The following ZNF780B variants were observed in gnomAD, a reference collection of about 807,000 sequenced individuals.
ZNF780B encodes the protein zinc finger protein 780B, also known as zinc finger protein 779.
ZNF780B carries 52 observed loss-of-function variants against 74.1 expected under a neutral mutation model. That is an observed-to-expected ratio of 0.70 (90% CI 0.56 to 0.88). ZNF780B has a LOEUF of 0.88. Among genes scored for constraint, ZNF780B ranks in the 40% least tolerant of loss-of-function variants. The probability of loss-of-function intolerance (pLI) is 0.00; values close to 1 mark genes in which losing one functional copy is unlikely to be tolerated. For missense variants in ZNF780B, 953 were observed against 1,007.6 expected (o/e 0.95, Z 0.73); for synonymous variants, 315 against 324.3 (o/e 0.97, Z 0.31).
At chr19:40,043,952 C>T (rs565669416) in intron 4 of ZNF780B, among the ~76,000 whole-genome samples, 5 of 152,306 alleles carry the variant, frequency 3.3e-5, no homozygotes, top group Admixed American at 2.6e-4. Flanking sequence ...GAGATGAACC[C>T]GGTACCTCAG....
chr19:40,046,652 A>G (rs951442616), intron 4 of ZNF780B, among the ~76,000 whole-genome samples: 2 of 151,964 alleles, frequency 1.3e-5, no homozygotes, highest in Non-Finnish European at 2.9e-5. Flanking sequence ...CATCACTCCT[A>G]TTTCCTTGTC....
At chr19:40,047,602 T>C (rs1405882970) in intron 3 of ZNF780B, 132 bp from the exon 4 acceptor site, 7 of 533,090 alleles carry the variant, frequency 1.3e-5, no homozygotes, top group Non-Finnish European at 2.2e-5. Flanking sequence ...TAAGAGAGGA[T>C]TGAGTAAGGG....
chr19:40,036,822 G>A (rs2144726584), intron 4 of ZNF780B, among the ~76,000 whole-genome samples, 196 bp from the exon 5 acceptor site: 1 of 152,146 alleles, frequency 6.6e-6, no homozygotes, highest in Admixed American at 6.5e-5. Flanking sequence ...GTCAAATTTA[G>A]GTGTGAATCA....
chr19:40,048,724 T>C lies in ZNF780B; in HGVS notation c.82A>G (p.Arg28Gly), dbSNP rs373289021. Residue 28 changes from arginine (R) to glycine (G), a missense_variant, in exon 3 of 5, where the codon AGG becomes GGG. Physicochemically the swap from Arg to Gly is moderately radical, Grantham distance 125. Coordinates refer to ENST00000434248, the MANE Select transcript of ZNF780B (RefSeq NM_001005851.3). ...AACATCACATCCCTGTACAAGGTCC[T>C]CTGATCAGGCTGCAGGCACTCCCAC... ...EEWECLQPDQ[R>G]TLYRDVMLEN... The C allele has an allele frequency of 2.4e-5, 38 of 1,614,070 alleles. No homozygotes were observed. The African/African-American group carries it at 4.7e-4, about 20-fold the overall frequency.
At chr19:40,036,901 T>G (rs534489841) in intron 4 of ZNF780B, among the ~76,000 whole-genome samples, 1 of 148,226 alleles carries the variant, frequency 6.7e-6, no homozygotes, top group South Asian at 2.1e-4. Context: ...GAATTTTTAG[T>G]GAAGAAAGCT....
At position 40,047,411 on chromosome 19, in the gene ZNF780B, T is replaced by G; in HGVS notation, c.196A>C (p.Ile66Leu). 6.2e-7 allele frequency: 1 copy of G among 1,613,924 alleles called. No individual in the cohort carries two copies. Among genetic ancestry groups the G allele is most frequent in the Non-Finnish European group, 8.5e-7 (1 of 1,179,904 alleles). The change falls in exon 4 of 5, where the codon ATT (isoleucine) becomes CTT (leucine). Residue 66 changes from isoleucine to leucine, a missense_variant. Transcript: ENST00000434248. The part of the protein sequence containing the change: ...TLLEQEKEPW[I>L]VVSKETSRWY... ...CTGCTTGTTTCTTTACTTACAACAA[T>G]CCAGGGCTCTTTCTCTTGCTCTAGT...
chr19:40,032,379 A>G lies in ZNF780B; in HGVS notation c.*1978T>C. 1 of 395,252 alleles carries G rather than the reference A, an allele frequency of 2.5e-6. No individual in the cohort carries two copies. The highest frequency in any genetic ancestry group is 4.9e-6 in the Non-Finnish European group (1 of 202,348). The allele number at this position is 395,252 out of a possible 1,614,324, so 24.5% of individuals were successfully genotyped here. ...CCATGCTACAATACACTAAAGAGAG[A>G]TAACCAAATGCAATGCAGAATCTGC... On this transcript the variant is annotated 3_prime_UTR_variant, in exon 5 of 5. Transcript: ENST00000434248.
chr19:40,047,179 T>C (rs535700710), intron 4 of ZNF780B, 196 bp downstream of exon 4: 2 of 521,942 alleles, frequency 3.8e-6, no homozygotes, highest in East Asian at 6.8e-5. Flanking sequence ...GATTAGTAAA[T>C]GATGAAGTTC....
intron 4 of ZNF780B, 77 bp downstream of exon 4, chr19:40,047,298 G>A (rs943056237): frequency 1.8e-5 from 23 of 1,268,312 alleles, no homozygotes; most frequent in Non-Finnish European, 2.5e-5. Flanking sequence ...CACATCTCAG[G>A]GGTGTGACTC....
At position 40,036,551 on chromosome 19, in the gene ZNF780B, A is replaced by G; in HGVS notation, c.308T>C (p.Val103Ala). The G allele has an allele frequency of 6.3e-7, 1 of 1,585,890 alleles. No individual in the cohort carries two copies. The highest frequency in any genetic ancestry group is 8.6e-7 in the Non-Finnish European group (1 of 1,169,512). Residue 103 changes from valine to alanine, a missense_variant, in exon 5 of 5, where the codon GTT becomes GCT. Coordinates refer to ENST00000434248, the MANE Select transcript of ZNF780B (RefSeq NM_001005851.3). ...AAGTGTTTTACTTATTTGCTTTATA[A>G]CATGTTTGGGTAAATTTATTTCAAA... ...DIFEINLPKH[V>A]IKQISKTLGL...
intron 4 of ZNF780B, among the ~76,000 whole-genome samples, chr19:40,041,758 G>C (rs1972650967): frequency 1.3e-5 from 2 of 151,846 alleles, no homozygotes; most frequent in East Asian, 1.9e-4. Flanking sequence ...CCATTTTCTT[G>C]GTAGATCTTC....
At chr19:40,046,833 C>T (rs1202030294) in intron 4 of ZNF780B, among the ~76,000 whole-genome samples, 4 of 152,182 alleles carry the variant, frequency 2.6e-5, no homozygotes, top group South Asian at 2.1e-4. Context: ...TAGGAATGCG[C>T]ACTCTATACA....
At chr19:40,045,055 A>G (rs1175141161) in intron 4 of ZNF780B, among the ~76,000 whole-genome samples, 2 of 152,252 alleles carry the variant, frequency 1.3e-5, no homozygotes, top group Non-Finnish European at 2.9e-5. Flanking sequence ...CTACGTTTAT[A>G]TCAGAAAAAA....
rs752729759 is a variant in ZNF780B, at chr19:40,036,172, G to T, written c.687C>A (p.Ala229=). 1 of 1,613,922 alleles carries T rather than the reference G, an allele frequency of 6.2e-7. No individual in the cohort carries two copies. Among genetic ancestry groups the T allele is most frequent in the African/African-American group, 1.3e-5 (1 of 75,022 alleles). ...GATTAAGCTGGGTGGGAAGATTAAA[G>T]GCTTTTCCACATTCCTTACATTCAA... ...KTFECKECGK[A]FNLPTQLNRH... is the part of the protein sequence containing the mutation. Residue 229 remains alanine, a synonymous_variant, in exon 5 of 5, where the codon GCC becomes GCA. Coordinates refer to ENST00000434248, the MANE Select transcript of ZNF780B (RefSeq NM_001005851.3).
intron 1 of ZNF780B, among the ~76,000 whole-genome samples, chr19:40,054,690 T>C (rs976066193): frequency 2.0e-5 from 3 of 152,212 alleles, no homozygotes; most frequent in Non-Finnish European, 4.4e-5. Flanking sequence ...ACATTAAACA[T>C]TTATTATTAT....
Position 40,034,580 on chromosome 19 carries a change from T to C in ZNF780B, c.2279A>G (p.Lys760Arg). The change falls in exon 5 of 5, where the codon AAG (lysine) becomes AGG (arginine). Residue 760 changes from lysine to arginine, a missense_variant. By Grantham distance (26) the Lys-to-Arg change is conservative. Transcript: ENST00000434248. Reference sequence around the variant, plus strand: ...AAGGTTTGAGCCACGATTAAAGGCCTTCCCACACTCCTTACATTTAAATGG... The same window carrying C: ...AAGGTTTGAGCCACGATTAAAGGCCCTCCCACACTCCTTACATTTAAATGG... ...EKPFKCKECG[K>R]AFNRGSNLVQ... is the part of the protein sequence containing the mutation. 6.2e-7 allele frequency: 1 copy of C among 1,614,072 alleles called. No individual in the cohort carries two copies. The highest frequency in any genetic ancestry group is 8.5e-7 in the Non-Finnish European group (1 of 1,180,006).
At chr19:40,046,337 T>A (rs1254562559) in intron 4 of ZNF780B, among the ~76,000 whole-genome samples, 1 of 152,202 alleles carries the variant, frequency 6.6e-6, no homozygotes, top group Non-Finnish European at 1.5e-5. Context: ...CATTACACCT[T>A]CTATGCATGG....
At chr19:40,037,847 T>C (rs2144733577) in intron 4 of ZNF780B, among the ~76,000 whole-genome samples, 1 of 151,788 alleles carries the variant, frequency 6.6e-6, no homozygotes, top group African/African-American at 2.4e-5. Context: ...ATCGTCTGGC[T>C]TTGCTCTTTG....
At chr19:40,052,360 GTTCTATCT>G (rs1973271904) in intron 1 of ZNF780B, among the ~76,000 whole-genome samples, 1 of 152,078 alleles carries the variant, frequency 6.6e-6, no homozygotes, top group Admixed American at 6.5e-5. Flanking sequence ...GAGAATCAAT[GTTCTATCT>G]AGATCAATGG....
Sources: gnomAD v4.1 joint callset for allele counts (sites outside exome capture counted in the v4.1 genomes callset) on GRCh38, gnomAD v4.1.1 for gene constraint, MANE v1.5 for transcripts, NCBI Gene and HGNC (gene_info 2026-07-23, HGNC 2026-07-21) for gene names.